CEP85L: variants seen among roughly 807,000 people sequenced by gnomAD.
CEP85L encodes centrosomal protein of 85 kDa-like.
Under a neutral mutation model 100.3 loss-of-function variants are expected in CEP85L, and 60 were observed. The ratio of observed to expected loss-of-function variants is 0.60; its 90% CI spans 0.49 to 0.74. The LOEUF is 0.74. CEP85L is among the 30% of genes least tolerant of loss of function. The pLI is 0.00. For synonymous variants in CEP85L, 319 were observed against 322.7 expected (o/e 0.99, Z 0.12); for missense variants, 973 against 936.2 (o/e 1.04, Z -0.51).
intron 3 of CEP85L, among the ~76,000 whole-genome samples, chr6:118,548,067 CAA>C (rs1355826822): frequency 6.6e-6 from 1 of 152,080 alleles, no homozygotes; most frequent in African/African-American, 2.4e-5. Context: ...TCCACCACCT[CAA>C]GTTTACTTAT....
In CEP85L at chr6:118,565,618, C is replaced by A. The variant is rs770098690; in HGVS notation, c.931G>T (p.Gly311Cys). 1 of 1,614,202 alleles carries A rather than the reference C, an allele frequency of 6.2e-7. No homozygotes were observed. Among genetic ancestry groups the A allele is most frequent in the Admixed American group, 1.7e-5 (1 of 60,022 alleles). ...CTGTAAGAATCCTCTGTATTTCTAC[C>A]TTCCAAAGGATTTGTCCGCAGCTGC... ...TEQLRTNPLE[G>C]RNTEDSYSLA... The change falls in exon 3 of 13, where the codon GGT becomes TGT. Residue 311 changes from glycine (G) to cysteine (C), a missense_variant. Coordinates refer to ENST00000368491, the MANE Select transcript of CEP85L (RefSeq NM_001042475.3).
At chr6:118,561,817 TAAAAC>T (rs1210008882) in intron 3 of CEP85L, among the ~76,000 whole-genome samples, 1 of 152,048 alleles carries the variant, frequency 6.6e-6, no homozygotes, top group Non-Finnish European at 1.5e-5. Context: ...TTTCCCCAAA[TAAAAC>T]AAAATCAAGA....
chr6:118,541,807 C>G (rs771975515), intron 3 of CEP85L, among the ~76,000 whole-genome samples: 1 of 152,076 alleles, frequency 6.6e-6, no homozygotes, highest in Non-Finnish European at 1.5e-5. Context: ...TTAGTTGGTA[C>G]AGTCATGTCA....
At position 118,491,653 on chromosome 6, in the gene CEP85L, T is replaced by C. The variant is rs998003947; in HGVS notation, c.1437+33A>G. Reference sequence around the variant, plus strand: ...ATAATTATATGCTGAGGAAATGTTGTTGACCTAATTCAACTTTATTAGAAA... The same window carrying C: ...ATAATTATATGCTGAGGAAATGTTGCTGACCTAATTCAACTTTATTAGAAA... On this transcript the variant is annotated intron_variant, in intron 6 of 12. Transcript: ENST00000368491. 22 of 1,586,720 alleles carry C rather than the reference T, an allele frequency of 1.4e-5. No homozygotes were observed. In the Admixed American group the frequency reaches 3.2e-4, roughly 23 times the overall value.
intron 4 of CEP85L, among the ~76,000 whole-genome samples, chr6:118,513,773 G>A (rs1776106416): frequency 6.6e-6 from 1 of 152,032 alleles, no homozygotes; most frequent in Non-Finnish European, 1.5e-5. Context: ...GGAACACCTT[G>A]AGGTAAAAGA....
intron 1 of CEP85L, among the ~76,000 whole-genome samples, chr6:118,677,767 C>A (rs1488316728): frequency 2.0e-5 from 3 of 152,172 alleles, no homozygotes; most frequent in Non-Finnish European, 4.4e-5. Context: ...TAGGAGACTT[C>A]CATGATTTTA....
At chr6:118,659,529 T>C (rs1775904224) in intron 1 of CEP85L, among the ~76,000 whole-genome samples, 1 of 152,162 alleles carries the variant, frequency 6.6e-6, no homozygotes, top group Admixed American at 6.5e-5. Flanking sequence ...AAAGACATAG[T>C]AGTTAGCATT....
At chr6:118,473,918 T>C (rs1199199743) in intron 10 of CEP85L, among the ~76,000 whole-genome samples, 1 of 151,410 alleles carries the variant, frequency 6.6e-6, no homozygotes, top group Non-Finnish European at 1.5e-5. Context: ...TTTATTTTGG[T>C]GGTGGGGAGA....
chr6:118,624,404 T>G (rs1271580197), intron 2 of CEP85L, among the ~76,000 whole-genome samples: 1 of 152,000 alleles, frequency 6.6e-6, no homozygotes, highest in African/African-American at 2.4e-5. Context: ...CCTTCTTCCC[T>G]CCTCCTTTCT....
chr6:118,566,594 T>C (rs1020475075), intron 2 of CEP85L, among the ~76,000 whole-genome samples: 2 of 152,156 alleles, frequency 1.3e-5, no homozygotes, highest in Non-Finnish European at 2.9e-5. Context: ...ATTTTTTGTA[T>C]TTTTAGTAGA....
chr6:118,511,205 A>G (rs1775945220), intron 5 of CEP85L, 93 bp downstream of exon 5: 1 of 790,922 alleles, frequency 1.3e-6, no homozygotes, highest in Non-Finnish European at 2.1e-6. Context: ...TACATTATTA[A>G]GTTGATTTAA....
chr6:118,513,746 A>G (rs1038474657), intron 4 of CEP85L, among the ~76,000 whole-genome samples: 3 of 152,134 alleles, frequency 2.0e-5, no homozygotes, highest in Non-Finnish European at 4.4e-5. Flanking sequence ...GACTTCAACT[A>G]CAAAAAAAAT....
intron 2 of CEP85L, among the ~76,000 whole-genome samples, chr6:118,592,097 A>G (rs1781220681): frequency 6.6e-6 from 1 of 152,234 alleles, no homozygotes; most frequent in Admixed American, 6.5e-5. Flanking sequence ...TTGACCAAGA[A>G]CAGAGCTCAA....
rs1237649026 is a variant in CEP85L, at chr6:118,533,038, T to C, written c.1021-9118A>G. 4.6e-5 allele frequency among the ~76,000 whole-genome samples: 7 copies of C among 152,054 alleles called. No homozygotes were observed. In the South Asian group the frequency reaches 6.2e-4, roughly 14 times the overall value. On this transcript the variant is annotated intron_variant, in intron 3 of 12. Transcript: ENST00000368491. ...GGAAATTTACAGCACTAAGCAGTTA[T>C]ATTAGAAAAAGGGAAAAAGCTCTCA... is the stretch of plus-strand genomic sequence containing the variant.
intron 2 of CEP85L, among the ~76,000 whole-genome samples, chr6:118,602,851 C>T (rs922899395): frequency 2.0e-5 from 3 of 150,524 alleles, no homozygotes; most frequent in Non-Finnish European, 4.4e-5. Context: ...GATATAGTCT[C>T]GCACGGTCAC....
chr6:118,496,419 G>A (rs770272199), intron 5 of CEP85L, among the ~76,000 whole-genome samples: 5 of 116,292 alleles, frequency 4.3e-5, no homozygotes, highest in East Asian at 2.3e-4. Flanking sequence ...GCAATGGCAC[G>A]ATCTCGGCTC....
At chr6:118,668,647 A>C (rs1776205008) in intron 1 of CEP85L, among the ~76,000 whole-genome samples, 1 of 152,198 alleles carries the variant, frequency 6.6e-6, no homozygotes, top group Non-Finnish European at 1.5e-5. Context: ...ATTATGTGCA[A>C]CTCTGTGAAA....
intron 1 of CEP85L, among the ~76,000 whole-genome samples, chr6:118,708,423 T>C (rs1391591125): frequency 6.6e-6 from 1 of 152,242 alleles, no homozygotes; most frequent in Non-Finnish European, 1.5e-5. Context: ...GATACCTGGA[T>C]ATAGGGAAAA....
intron 1 of CEP85L, among the ~76,000 whole-genome samples, chr6:118,638,951 T>C (rs944663868): frequency 2.0e-5 from 3 of 152,140 alleles, no homozygotes; most frequent in African/African-American, 4.8e-5. Flanking sequence ...ACTACTCTCA[T>C]TGAATATTTT....
Sources: gnomAD v4.1 joint callset for allele counts (sites outside exome capture counted in the v4.1 genomes callset) on GRCh38, gnomAD v4.1.1 for gene constraint, MANE v1.5 for transcripts, NCBI Gene and HGNC (gene_info 2026-07-23, HGNC 2026-07-21) for gene names.